The following TMEM225B variants were observed in gnomAD, a reference collection of about 807,000 sequenced individuals.
TMEM225B encodes transmembrane protein 225-like.
Under a neutral mutation model 16.9 loss-of-function variants are expected in TMEM225B, and 10 were observed. The observed-to-expected ratio is 0.59, with a 90% CI of 0.36 to 1.00. The LOEUF (loss-of-function observed/expected upper bound fraction) is 1.00, where lower values mean the gene tolerates loss of function less well. Ranked by LOEUF, TMEM225B falls within the 50% of genes least tolerant of loss-of-function variation. TMEM225B has a pLI of 0.01. For synonymous variants in TMEM225B, 92 were observed against 109.8 expected (o/e 0.84, Z 1.01); for missense variants, 217 against 267.0 (o/e 0.81, Z 1.30).
chr7:99,605,074 A>G (rs1805691455), intron 3 of TMEM225B, among the ~76,000 whole-genome samples: 1 of 152,144 alleles, frequency 6.6e-6, no homozygotes, highest in Non-Finnish European at 1.5e-5. Context: ...ACCCAAGGGT[A>G]GACTCTGGGA....
intron 2 of TMEM225B, among the ~76,000 whole-genome samples, chr7:99,601,858 T>C (rs1584302419): frequency 6.6e-6 from 1 of 152,156 alleles, no homozygotes; most frequent in East Asian, 1.9e-4. Context: ...AGACGCCCCC[T>C]TCCCTGGCTG....
chr7:99,602,273 A>G (rs1805437690), intron 2 of TMEM225B, among the ~76,000 whole-genome samples: 1 of 152,172 alleles, frequency 6.6e-6, no homozygotes, highest in South Asian at 2.1e-4. Context: ...CTCATTCCTC[A>G]GAGCTGCCAG....
At chr7:99,598,412 T>TG (rs1033484058) in intron 1 of TMEM225B, 31 bp downstream of exon 1, 3 of 152,274 alleles carry the variant, frequency 2.0e-5, no homozygotes, top group African/African-American at 7.3e-5. Context: ...GAGACCAGTA[T>TG]GGGGGAGAGC....
chr7:99,607,101 C>T (rs948855374), intron 4 of TMEM225B, among the ~76,000 whole-genome samples: 19 of 152,124 alleles, frequency 1.2e-4, no homozygotes, highest in African/African-American at 3.9e-4. Context: ...GATCCTCCCA[C>T]CTCAGCCTCC....
chr7:99,608,708 T>TAA lies in TMEM225B; in HGVS notation c.493+906_493+907dup, dbSNP rs34289563. 2.4e-3 allele frequency among the ~76,000 whole-genome samples: 290 copies of TAA among 120,224 alleles called. 3 individuals are homozygous for TAA. The Middle Eastern group carries it at 0.027, about 11-fold the overall frequency. The allele number at this position is 120,224 out of a possible 152,430, so 78.9% of individuals were successfully genotyped here. A position where few individuals can be genotyped will look rare whatever the true frequency, so the allele number is the denominator to read the frequency against. ...GCATGTGCCACCATGGCCAGCTAGT[T>TAA]AAAAAAAAATATATATATATATATA... On this transcript the variant is annotated intron_variant, in intron 5 of 5. Transcript: ENST00000431679.
chr7:99,603,866 G>A (rs1805567651), intron 2 of TMEM225B, among the ~76,000 whole-genome samples: 1 of 151,828 alleles, frequency 6.6e-6, no homozygotes, highest in Middle Eastern at 3.4e-3. Flanking sequence ...GGGCTTAGGC[G>A]ATCCTCTCAC....
chr7:99,605,009 C>A lies in TMEM225B; in HGVS notation c.208+413C>A, dbSNP rs1859691. 1.0e-4 allele frequency among the ~76,000 whole-genome samples: 14 copies of A among 134,240 alleles called. No individual in the cohort carries two copies. The East Asian group carries it at 2.0e-3, about 19-fold the overall frequency. 88.1% of individuals were successfully genotyped at this position (134,240 alleles called of 152,430 possible). On this transcript the variant is annotated intron_variant, in intron 3 of 5. Coordinates refer to ENST00000431679, the MANE Select transcript of TMEM225B (RefSeq NM_001195541.3). Reference sequence around the variant, plus strand: ...AGGCCCTGTCTCAAAACAACAACAACAACAACAACAACAACAACAACAACA... The same window carrying A: ...AGGCCCTGTCTCAAAACAACAACAAAAACAACAACAACAACAACAACAACA...
chr7:99,601,050 G>A (rs1805317217), intron 2 of TMEM225B, among the ~76,000 whole-genome samples: 1 of 152,142 alleles, frequency 6.6e-6, no homozygotes, highest in Admixed American at 6.5e-5. Context: ...ACATACAGGT[G>A]GAGATGGGGT....
At chr7:99,609,981 T>A (rs1806203334) in intron 5 of TMEM225B, among the ~76,000 whole-genome samples, 1 of 152,194 alleles carries the variant, frequency 6.6e-6, no homozygotes, top group Non-Finnish European at 1.5e-5. Context: ...CAAAAGACCC[T>A]CCTGTCTCGG....
At chr7:99,600,448 A>T (rs1805265036) in intron 2 of TMEM225B, among the ~76,000 whole-genome samples, 163 bp downstream of exon 2, 1 of 152,114 alleles carries the variant, frequency 6.6e-6, no homozygotes, top group South Asian at 2.1e-4. Flanking sequence ...GTCTGTTCTC[A>T]TGCTGCTAAT....
At chr7:99,608,732 T>C (rs1045552885) in intron 5 of TMEM225B, among the ~76,000 whole-genome samples, 15 of 125,810 alleles carry the variant, frequency 1.2e-4, no homozygotes, top group African/African-American at 5.8e-4. Context: ...TATATATATA[T>C]ATACACACAC....
At chr7:99,604,262 A>G (rs968028411) in intron 2 of TMEM225B, 124 bp from the exon 3 acceptor site, 1 of 649,484 alleles carries the variant, frequency 1.5e-6, no homozygotes, top group African/African-American at 1.8e-5. Context: ...ATCATCATTT[A>G]CTGAGTTTCA....
chr7:99,608,839 G>GTATATATATATATA lies in TMEM225B; in HGVS notation c.493+1036_493+1049dup, dbSNP rs72285430. 4.4e-3 allele frequency among the ~76,000 whole-genome samples: 584 copies of GTATATATATATATA among 132,516 alleles called. 2 individuals carry two copies. The highest frequency in any genetic ancestry group is 0.016 in the African/African-American group (525 of 32,678). The allele number at this position is 132,516 out of a possible 152,430, so 86.9% of individuals were successfully genotyped here. A position where few individuals can be genotyped will look rare whatever the true frequency, so the allele number is the denominator to read the frequency against. On this transcript the variant is annotated intron_variant, in intron 5 of 5. Transcript: ENST00000431679. ...CATACATATATGTGTGTGTGTGCACGTATATATATATATATATATACACAC... is the reference window on the plus strand; with the variant it reads ...CATACATATATGTGTGTGTGTGCACGTATATATATATATATATATATATATATATATATACACAC...
chr7:99,606,954 A>T, intron 4 of TMEM225B, 60 bp downstream of exon 4: 1 of 1,513,358 alleles, frequency 6.6e-7, no homozygotes. Context: ...GTCCAGAGAA[A>T]GAGGGGTGCT....
At chr7:99,601,746 G>C (rs1230323521) in intron 2 of TMEM225B, among the ~76,000 whole-genome samples, 1 of 152,218 alleles carries the variant, frequency 6.6e-6, no homozygotes, top group Non-Finnish European at 1.5e-5. Context: ...CAGGAAGGGA[G>C]CCACACCTCT....
At chr7:99,602,489 T>C (rs1805453826) in intron 2 of TMEM225B, among the ~76,000 whole-genome samples, 1 of 152,228 alleles carries the variant, frequency 6.6e-6, no homozygotes, top group Non-Finnish European at 1.5e-5. Flanking sequence ...GTCCTCTCAG[T>C]GGCAGGTGTT....
At chr7:99,599,121 G>A (rs1414308404) in intron 1 of TMEM225B, among the ~76,000 whole-genome samples, 1 of 145,090 alleles carries the variant, frequency 6.9e-6, no homozygotes, top group Admixed American at 6.8e-5. Flanking sequence ...ACCACGCCTG[G>A]CTAATTTTTT....
At position 99,605,259 on chromosome 7, in the gene TMEM225B, TA is replaced by T. The variant is rs1805706889; in HGVS notation, c.208+664del. Among the ~76,000 whole-genome samples, 48 of 152,252 alleles carry T rather than the reference TA, an allele frequency of 3.2e-4. No homozygotes were observed. In the South Asian group the frequency reaches 9.7e-3, roughly 31 times the overall value. ...CTCTGCTAATTTTGGTCTATTTCAC[TA>T]CTTCTGTTATTGTTGTTGCTTTTAC... On this transcript the variant is annotated intron_variant, in intron 3 of 5. Coordinates refer to ENST00000431679, the MANE Select transcript of TMEM225B (RefSeq NM_001195541.3).
intron 5 of TMEM225B, among the ~76,000 whole-genome samples, chr7:99,609,283 C>T (rs948158538): frequency 6.6e-6 from 1 of 152,166 alleles, no homozygotes; most frequent in African/African-American, 2.4e-5. Context: ...TCCATGATTT[C>T]CATGAATTCT....
Sources: allele counts gnomAD v4.1 joint callset (sites outside exome capture counted in the v4.1 genomes callset), GRCh38; gene constraint gnomAD v4.1.1; transcripts MANE v1.5; gene names NCBI Gene and HGNC (gene_info 2026-07-23, HGNC 2026-07-21).